The following PZP variants were observed in gnomAD, a reference collection of about 807,000 sequenced individuals.
PZP encodes pregnancy zone protein.
In PZP, 150 loss-of-function variants were observed where a neutral mutation model predicts 179.8. The observed-to-expected ratio is 0.83, with a 90% confidence interval of 0.73 to 0.96. The LOEUF (loss-of-function observed/expected upper bound fraction) is 0.96, where lower values mean the gene tolerates loss of function less well. Ranked by LOEUF, PZP falls within the 40% of genes least tolerant of loss-of-function variation. The pLI is 0.00. For missense variants in PZP, 1,689 were observed against 1,764.0 expected, an observed-to-expected ratio of 0.96 and a Z score of 0.76; for synonymous variants, 624 against 652.3, an observed-to-expected ratio of 0.96 and a Z score of 0.66.
chr12:9,165,178 G>A lies in PZP; in HGVS notation c.2448C>T (p.Leu816=). ...YSVIRGEVFT[L]KATVLNYLPK... ...GAAGGTAGTTTAGGACCGTGGCCTT[G>A]AGTGTGAAGACCTCTCCACGAATCA... The change falls in exon 19 of 36, where the codon CTC becomes CTT. Residue 816 remains leucine (L), a synonymous_variant. Coordinates refer to ENST00000261336, the MANE Select transcript of PZP (RefSeq NM_002864.3). 1 of 1,614,130 alleles carries A rather than the reference G, an allele frequency of 6.2e-7. No homozygotes were observed. The highest frequency in any genetic ancestry group is 1.1e-5 in the South Asian group (1 of 91,076).
the PZP span, among the ~76,000 whole-genome samples, chr12:9,137,374 T>G: frequency 6.6e-6 from 1 of 152,110 alleles, no homozygotes; most frequent in Admixed American, 6.5e-5. Context: ...CTCTATTCTG[T>G]CATTGATGTT....
At chr12:9,204,304 C>T (rs181923117) in intron 1 of PZP, among the ~76,000 whole-genome samples, 26 of 152,242 alleles carry the variant, frequency 1.7e-4, no homozygotes, top group African/African-American at 5.3e-4. Flanking sequence ...TAAAAGTGCA[C>T]GCACACAAAC....
rs750369714 is a variant in PZP at position 9,164,041 on chromosome 12, A to G, written c.2614+92T>C. On this transcript the variant is annotated intron_variant, in intron 20 of 35. Coordinates refer to ENST00000261336, the MANE Select transcript of PZP (RefSeq NM_002864.3). ...AAACTAACTTTATAGAATTATATCT[A>G]TGGCAAATAAAAGAGAGAATATGAT... 2.0e-5 allele frequency: 29 copies of G among 1,450,130 alleles called. No homozygotes were observed. The African/African-American group carries it at 2.7e-4, about 14-fold the overall frequency. 89.8% of individuals were successfully genotyped at this position (1,450,130 alleles called of 1,614,324 possible).
intron 15 of PZP, among the ~76,000 whole-genome samples, chr12:9,175,297 A>G (rs1190853475): frequency 6.6e-6 from 1 of 152,202 alleles, no homozygotes; most frequent in Non-Finnish European, 1.5e-5. Flanking sequence ...CTTTCACCAT[A>G]TACAAAAATT....
Position 9,153,198 on chromosome 12 carries a change from T to C in PZP, c.3920A>G (p.Gln1307Arg), listed in dbSNP as rs772151960. 8 of 1,614,104 alleles carry C rather than the reference T, an allele frequency of 5.0e-6. No homozygotes were observed. Among genetic ancestry groups the C allele is most frequent in the Non-Finnish European group, 6.8e-6 (8 of 1,180,034 alleles). The change falls in exon 30 of 36, where the codon CAG (glutamine) becomes CGG (arginine). Residue 1307 changes from glutamine (Q) to arginine (R), a missense_variant. Gln to Arg is a conservative substitution (Grantham distance 43). Around this residue, in one of 3 missense-constraint regions of PZP, gnomAD observed 746 missense variants for 749.2 expected, o/e 1.00. Coordinates refer to ENST00000261336, the MANE Select transcript of PZP (RefSeq NM_002864.3). ...QVDNNNLLLL[Q>R]QISLPELPGE... ...AGGGAGCTCTGGCAATGAGATCTGC[T>C]GCAGTAATAGGAGGTTGTTGTTGTC... is the stretch of plus-strand genomic sequence containing the variant.
At chr12:9,152,703 T>C in intron 31 of PZP, 121 bp downstream of exon 31, 1 of 1,039,970 alleles carries the variant, frequency 9.6e-7, no homozygotes, top group East Asian at 2.7e-5. Flanking sequence ...AATTCATTTA[T>C]AGATATATCA....
In PZP at chr12:9,151,673, C is replaced by T. The variant is rs985992129; in HGVS notation, c.4213-1G>A. On this transcript the variant is annotated splice_acceptor_variant, in intron 32 of 35. Coordinates refer to ENST00000261336, the MANE Select transcript of PZP (RefSeq NM_002864.3). LOFTEE classifies it high-confidence loss of function. ...GGCTCACAGAGCTAGATCTTTCAAG[C>T]TGGAGAGAATTAGAAAACTTCAGTT... The T allele has an allele frequency of 1.2e-6, 2 of 1,613,122 alleles. No individual in the cohort carries two copies. Among genetic ancestry groups the T allele is most frequent in the Admixed American group, 1.7e-5 (1 of 59,938 alleles).
rs111389282 is a variant in PZP at position 9,169,328 on chromosome 12, G to A, written c.2001+102C>T. ...TCATTTTTGTCTGCTGAAAAATGGA[G>A]AGGCAAGGCTACATAATTACTAAGA... On this transcript the variant is annotated intron_variant, in intron 16 of 35. Transcript: ENST00000261336. 35 of 1,142,718 alleles carry A rather than the reference G, an allele frequency of 3.1e-5. 1 individual carries two copies. The African/African-American group carries it at 3.2e-4, about 10-fold the overall frequency. 70.8% of individuals were successfully genotyped at this position (1,142,718 alleles called of 1,614,324 possible).
intron 15 of PZP, among the ~76,000 whole-genome samples, chr12:9,175,556 C>G (rs971376682): frequency 3.3e-5 from 5 of 152,160 alleles, no homozygotes; most frequent in African/African-American, 4.8e-5. Context: ...TTTTCCCAAT[C>G]TAACCACCTG....
At chr12:9,187,594 TGAAATTTTGGCA>T (rs1943203828) in intron 13 of PZP, among the ~76,000 whole-genome samples, 1 of 152,122 alleles carries the variant, frequency 6.6e-6, no homozygotes, top group Non-Finnish European at 1.5e-5. Flanking sequence ...GGGTAAATAA[TGAAATTTTGGCA>T]GAAATCAGGA....
chr12:9,140,018 C>T, the PZP span, among the ~76,000 whole-genome samples: 18 of 152,038 alleles, frequency 1.2e-4, no homozygotes, highest in Non-Finnish European at 8.8e-5. Flanking sequence ...TCTCTCTGGC[C>T]GGAGAGGAGG....
chr12:9,148,049 T>C (rs1368154830), downstream of PZP, among the ~76,000 whole-genome samples: 2 of 152,116 alleles, frequency 1.3e-5, no homozygotes, highest in Non-Finnish European at 2.9e-5. Context: ...TGCCATTTGA[T>C]TTTACCATCT....
Position 9,192,810 on chromosome 12 carries a change from A to G in PZP, c.1255-71T>C, listed in dbSNP as rs1943537104. On this transcript the variant is annotated intron_variant, in intron 11 of 35. Transcript: ENST00000261336. ...TCACCTTAGCTTCTCACCAAAATGAATAGTTACAACGGTGTCTTCCACTCT... is the reference window on the plus strand; with the variant it reads ...TCACCTTAGCTTCTCACCAAAATGAGTAGTTACAACGGTGTCTTCCACTCT... 6 of 1,112,016 alleles carry G rather than the reference A, an allele frequency of 5.4e-6. No individual in the cohort carries two copies. In the Admixed American group the frequency reaches 9.5e-5, roughly 18 times the overall value. The allele number at this position is 1,112,016 out of a possible 1,614,324, so 68.9% of individuals were successfully genotyped here. A position where few individuals can be genotyped will look rare whatever the true frequency, so the allele number is the denominator to read the frequency against.
intron 26 of PZP, among the ~76,000 whole-genome samples, chr12:9,158,179 T>A (rs1244291406): frequency 6.6e-6 from 1 of 152,194 alleles, no homozygotes; most frequent in Non-Finnish European, 1.5e-5. Context: ...AGTCTTATAC[T>A]CCTGGGCTCA....
rs1472446760 is a variant in PZP, at chr12:9,164,248, C to A, written c.2499G>T (p.Gln833His). The change falls in exon 20 of 36, where the codon CAG becomes CAT. Residue 833 changes from glutamine (Q) to histidine (H), a missense_variant. Physicochemically the swap from Gln to His is conservative, Grantham distance 24. Around this residue, in one of 3 missense-constraint regions of PZP, gnomAD observed 201 missense variants for 284.2 expected, o/e 0.71. Coordinates refer to ENST00000261336, the MANE Select transcript of PZP (RefSeq NM_002864.3). The stretch of plus-strand genomic sequence containing the variant: ...CTAGGAAGGCTGGAGAGGCTTTCAG[C>A]TGCACACTGACCTATCACCCCATGT... Reference protein sequence around the residue: ...YLPKCIRVSVQLKASPAFLAS... With the variant: ...YLPKCIRVSVHLKASPAFLAS... 2.5e-6 allele frequency: 4 copies of A among 1,613,202 alleles called. No homozygotes were observed. In the South Asian group the frequency reaches 4.4e-5, roughly 18 times the overall value.
chr12:9,160,863 C>A (rs556806755), intron 23 of PZP, among the ~76,000 whole-genome samples, 170 bp downstream of exon 23: 15 of 151,134 alleles, frequency 9.9e-5, no homozygotes, highest in Admixed American at 6.6e-4. Context: ...TGCAGTGAGC[C>A]GAGATCACGT....
At chr12:9,165,440 C>G (rs1941515929) in intron 18 of PZP, 73 bp from the exon 19 acceptor site, 1 of 1,538,590 alleles carries the variant, frequency 6.5e-7, no homozygotes, top group South Asian at 1.2e-5. Context: ...AATTAATATG[C>G]ATAAAGCTAA....
intron 13 of PZP, among the ~76,000 whole-genome samples, chr12:9,187,039 C>T (rs1943167767): frequency 7.4e-6 from 1 of 135,732 alleles, no homozygotes; most frequent in Non-Finnish European, 1.6e-5. Flanking sequence ...GGTTGCAATA[C>T]TAATTTCAGA....
the PZP span, among the ~76,000 whole-genome samples, chr12:9,138,813 G>C: frequency 6.6e-6 from 1 of 151,908 alleles, no homozygotes; most frequent in Admixed American, 6.6e-5. Flanking sequence ...ATTTCTAAAA[G>C]AGCAGTTATA....
Sources: allele counts gnomAD v4.1 joint callset (sites outside exome capture counted in the v4.1 genomes callset), GRCh38; gene constraint gnomAD v4.1.1; regional missense constraint gnomAD v4.1.1; transcripts MANE v1.5; gene names NCBI Gene and HGNC (gene_info 2026-07-23, HGNC 2026-07-21).